The following CEP43 variants were observed in gnomAD, a reference collection of about 807,000 sequenced individuals.
CEP43 encodes FGFR1 oncogene partner.
In CEP43, 36 loss-of-function variants were observed where a neutral mutation model predicts 52.6. The observed-to-expected ratio is 0.68, with a 90% CI of 0.52 to 0.90. The LOEUF (loss-of-function observed/expected upper bound fraction) is 0.90. CEP43 is among the 40% of genes least tolerant of loss of function. The pLI is 0.00. For missense variants in CEP43, 506 were observed against 472.8 expected, an observed-to-expected ratio of 1.07 and a Z score of -0.65; for synonymous variants, 192 against 172.4, an observed-to-expected ratio of 1.11 and a Z score of -0.89.
chr6:167,037,919 G>T lies in CEP43; in HGVS notation c.1126-1985G>T, dbSNP rs180710240. ...ACGATGCCTAAGAGTGTGTGTGTGGGTGTGGCTGTGACTGTCCCCTGGTCT... is the reference window on the plus strand; with the variant it reads ...ACGATGCCTAAGAGTGTGTGTGTGGTTGTGGCTGTGACTGTCCCCTGGTCT... On this transcript the variant is annotated intron_variant, in intron 12 of 12. Coordinates refer to ENST00000366847, the MANE Select transcript of CEP43 (RefSeq NM_007045.4). Among the ~76,000 whole-genome samples, 418 of 152,300 alleles carry T rather than the reference G, an allele frequency of 2.7e-3. 3 individuals are homozygous for T. Among genetic ancestry groups the T allele is most frequent in the African/African-American group, 9.7e-3 (402 of 41,558 alleles).
At chr6:167,019,070 C>T (rs1261429353) in intron 7 of CEP43, among the ~76,000 whole-genome samples, 4 of 152,196 alleles carry the variant, frequency 2.6e-5, no homozygotes. Flanking sequence ...CAGTCAGCCA[C>T]ATGGTCACGA....
chr6:167,031,611 G>A (rs1255310194), intron 10 of CEP43, among the ~76,000 whole-genome samples: 3 of 152,212 alleles, frequency 2.0e-5, no homozygotes, highest in African/African-American at 7.2e-5. Flanking sequence ...AGGGAAGATC[G>A]AGGACAAGGC....
chr6:167,042,896 C>T lies in CEP43; in HGVS notation c.*2918C>T, dbSNP rs1231787513. The T allele has an allele frequency of 6.7e-6, 1 of 148,540 alleles. No homozygotes were observed. Among genetic ancestry groups the T allele is most frequent in the African/African-American group, 2.5e-5 (1 of 40,334 alleles). 9.2% of individuals were successfully genotyped at this position (148,540 alleles called of 1,614,324 possible). A position where few individuals can be genotyped will look rare whatever the true frequency, so the allele number is the denominator to read the frequency against. On this transcript the variant is annotated 3_prime_UTR_variant, in exon 13 of 13. Transcript: ENST00000366847. Reference sequence around the variant, plus strand: ...CTTTTAAACTGCTGTGTACCTGGCACAACATTTGTCCCCTAGTATGAGCTT... The same window carrying T: ...CTTTTAAACTGCTGTGTACCTGGCATAACATTTGTCCCCTAGTATGAGCTT...
chr6:167,021,035 G>A (rs898025618), intron 7 of CEP43, among the ~76,000 whole-genome samples: 1 of 148,214 alleles, frequency 6.7e-6, no homozygotes. Flanking sequence ...TTTAAGACCA[G>A]CCTGGATGAC....
In CEP43 at chr6:167,049,839, A is replaced by G. The variant is rs1485551309; in HGVS notation, c.*9861A>G. On this transcript the variant is annotated 3_prime_UTR_variant, in exon 13 of 13. Transcript: ENST00000366847. ...TTTATATCCCTACCAGCAATGCATG[A>G]AGCTTCCAGTTTCTCCACATCATCA... The G allele has an allele frequency of 2.0e-5, 3 of 152,248 alleles. No individual in the cohort carries two copies. Among genetic ancestry groups the G allele is most frequent in the Admixed American group, 6.5e-5 (1 of 15,290 alleles). The allele number at this position is 152,248 out of a possible 1,614,324, so 9.4% of individuals were successfully genotyped here.
In CEP43 at chr6:167,039,943, A is replaced by C. The variant is rs758274323; in HGVS notation, c.1165A>C (p.Ser389Arg). 11 of 1,613,682 alleles carry C rather than the reference A, an allele frequency of 6.8e-6. No individual in the cohort carries two copies. In the Admixed American group the frequency reaches 1.8e-4, roughly 27 times the overall value. ...LTQDLTVSQL[S>R]DVADYLEDVA Reference sequence around the variant, plus strand: ...ACAAGATCTGACTGTATCCCAGCTCAGTGATGTTGCGGATTATCTGGAAGA... The same window carrying C: ...ACAAGATCTGACTGTATCCCAGCTCCGTGATGTTGCGGATTATCTGGAAGA... Residue 389 changes from serine to arginine, a missense_variant, in exon 13 of 13, where the codon AGT becomes CGT. Ser to Arg is a moderately radical substitution (Grantham distance 110, BLOSUM62 -1). Coordinates refer to ENST00000366847, the MANE Select transcript of CEP43 (RefSeq NM_007045.4).
At position 167,002,777 on chromosome 6, in the gene CEP43, CTCA is replaced by C. The variant is rs1197627064; in HGVS notation, c.157-415_157-413del. Among the ~76,000 whole-genome samples, 20 of 152,216 alleles carry C rather than the reference CTCA, an allele frequency of 1.3e-4. 1 individual carries two copies. Among genetic ancestry groups the C allele is most frequent in the African/African-American group, 4.8e-4 (20 of 41,446 alleles). On this transcript the variant is annotated intron_variant, in intron 2 of 12. Transcript: ENST00000366847. ...TGGCCTATGGGCCGCATAAGATCAT[CTCA>C]CATTTCATGGATAAACTGGGAATTA...
rs1239815863 is a variant in CEP43, at chr6:167,047,152, T to G, written c.*7174T>G. The G allele has an allele frequency of 1.3e-5, 2 of 152,266 alleles. No homozygotes were observed. Among genetic ancestry groups the G allele is most frequent in the Non-Finnish European group, 2.9e-5 (2 of 68,130 alleles). 9.4% of individuals were successfully genotyped at this position (152,266 alleles called of 1,614,324 possible). ...AGAGAGGGGATGTTCAATGCGAAATTTGAACATTGGGACCTGAAAAACTGA... is the reference window on the plus strand; with the variant it reads ...AGAGAGGGGATGTTCAATGCGAAATGTGAACATTGGGACCTGAAAAACTGA... On this transcript the variant is annotated 3_prime_UTR_variant, in exon 13 of 13. Coordinates refer to ENST00000366847, the MANE Select transcript of CEP43 (RefSeq NM_007045.4).
chr6:167,017,064 C>T (rs185808899), intron 7 of CEP43, among the ~76,000 whole-genome samples: 3,586 of 151,030 alleles, frequency 0.024, 130 homozygotes, highest in African/African-American at 0.081. Context: ...GGCACGATCT[C>T]GGCTCACTGC....
intron 9 of CEP43, among the ~76,000 whole-genome samples, chr6:167,025,874 G>A (rs1780343033): frequency 6.6e-6 from 1 of 152,240 alleles, no homozygotes; most frequent in Admixed American, 6.5e-5. Flanking sequence ...CAGTGAGGAT[G>A]TCACTTTAGT....
At chr6:167,002,554 G>A (rs1223108138) in intron 2 of CEP43, among the ~76,000 whole-genome samples, 2 of 152,174 alleles carry the variant, frequency 1.3e-5, no homozygotes, top group African/African-American at 4.8e-5. Context: ...CCAAATTGCT[G>A]TCCAAACTCG....
rs181641148 is a variant in CEP43, at chr6:167,031,842, T to C, written c.989-761T>C. 4.5e-3 allele frequency among the ~76,000 whole-genome samples: 686 copies of C among 152,338 alleles called. 6 individuals carry two copies. The highest frequency in any genetic ancestry group is 0.015 in the African/African-American group (630 of 41,570). On this transcript the variant is annotated intron_variant, in intron 10 of 12. Transcript: ENST00000366847. ...AGGGAAGGGCTGCTGATTTGCAAAT[T>C]TGTCCTTTATAGCCTTAAGTTGATC...
intron 7 of CEP43, 73 bp downstream of exon 7, chr6:167,013,640 G>A (rs1044374243): frequency 3.2e-5 from 39 of 1,205,808 alleles, no homozygotes; most frequent in East Asian, 2.1e-4. Context: ...CTCCTGGAGC[G>A]CTGGGCTCCT....
intron 6 of CEP43, 146 bp from the exon 7 acceptor site, chr6:167,013,362 A>G (rs2128660714): frequency 1.7e-6 from 1 of 584,970 alleles, no homozygotes; most frequent in South Asian, 2.1e-5. Context: ...AGAAAGGACC[A>G]AAAAAAGCAG....
intron 1 of CEP43, 55 bp from the exon 2 acceptor site, chr6:167,000,005 T>G: frequency 1.4e-6 from 2 of 1,458,890 alleles, no homozygotes; most frequent in East Asian, 2.3e-5. Context: ...AATGTGAGCT[T>G]GTTGTGAAAA....
rs777715690 is a variant in CEP43, at chr6:167,004,286, A to G, written c.323A>G (p.Glu108Gly). The G allele has an allele frequency of 1.7e-5, 28 of 1,606,464 alleles. No individual in the cohort carries two copies. Among genetic ancestry groups the G allele is most frequent in the Non-Finnish European group, 2.4e-5 (28 of 1,177,162 alleles). The change falls in exon 5 of 13, where the codon GAG (glutamate) becomes GGG (glycine). Residue 108 changes from glutamate to glycine, a missense_variant. By Grantham distance (98) the Glu-to-Gly change is moderately conservative (BLOSUM62 -2). Transcript: ENST00000366847. ...TSTLQGLEGR[E>G]NLARDLGIIE... Reference sequence around the variant, plus strand: ...TAGCTGCAAGGTCTCGAAGGTCGAGAGAATTTAGCCCGAGATTTAGGTATA... The same window carrying G: ...TAGCTGCAAGGTCTCGAAGGTCGAGGGAATTTAGCCCGAGATTTAGGTATA...
intron 5 of CEP43, among the ~76,000 whole-genome samples, chr6:167,005,022 C>G (rs1199720823): frequency 6.6e-6 from 1 of 152,018 alleles, no homozygotes; most frequent in African/African-American, 2.4e-5. Flanking sequence ...TATTTTCATA[C>G]ATTAATTTTA....
intron 6 of CEP43, 144 bp from the exon 7 acceptor site, chr6:167,013,361 CAAA>C: frequency 1.7e-6 from 1 of 590,662 alleles, no homozygotes; most frequent in South Asian, 2.1e-5. Context: ...AAGAAAGGAC[CAAA>C]AAAAGCAGGC....
intron 10 of CEP43, among the ~76,000 whole-genome samples, chr6:167,031,360 C>A (rs1253469540): frequency 6.6e-6 from 1 of 152,212 alleles, no homozygotes; most frequent in Admixed American, 6.5e-5. Context: ...GAGTTCTTCC[C>A]AATTGCACTA....
Sources: gnomAD v4.1 joint callset for allele counts (sites outside exome capture counted in the v4.1 genomes callset) on GRCh38, gnomAD v4.1.1 for gene constraint, MANE v1.5 for transcripts, NCBI Gene and HGNC (gene_info 2026-07-23, HGNC 2026-07-21) for gene names.